Variants in TIAM1 observed in about 807,000 individuals in gnomAD.
TIAM1 encodes the protein rho guanine nucleotide exchange factor TIAM1.
Under a neutral mutation model 163.5 loss-of-function variants are expected in TIAM1, and 65 were observed. The observed-to-expected ratio is 0.40, with a 90% confidence interval of 0.33 to 0.49. The LOEUF is 0.49. TIAM1 is among the 20% of genes least tolerant of loss of function. The probability of loss-of-function intolerance (pLI) is 0.77; values close to 1 mark genes in which losing one functional copy is unlikely to be tolerated. For missense variants in TIAM1, 1,789 were observed against 2,044.7 expected (o/e 0.87, Z 2.41); for synonymous variants, 833 against 810.1 (o/e 1.03, Z -0.48).
chr21:31,498,459 C>T (rs187742975), intron 1 of TIAM1, among the ~76,000 whole-genome samples: 5 of 152,348 alleles, frequency 3.3e-5, no homozygotes, highest in Non-Finnish European at 5.9e-5. Context: ...CCCACTCTCC[C>T]TTAAGGAAAC....
chr21:31,166,578 T>C (rs906189742), intron 15 of TIAM1, among the ~76,000 whole-genome samples: 1 of 152,226 alleles, frequency 6.6e-6, no homozygotes, highest in African/African-American at 2.4e-5. Context: ...CCTGAATGGC[T>C]TAGAGGTTTC....
At chr21:31,302,334 TTGAA>T (rs1486051603) in intron 2 of TIAM1, among the ~76,000 whole-genome samples, 1 of 152,246 alleles carries the variant, frequency 6.6e-6, no homozygotes, top group African/African-American at 2.4e-5. Context: ...CATTTCAACC[TTGAA>T]TGTTTTCACA....
At chr21:31,415,529 A>C (rs16988248) in intron 2 of TIAM1, among the ~76,000 whole-genome samples, 7,282 of 152,216 alleles carry the variant, frequency 0.048, 207 homozygotes, top group East Asian at 0.099. Context: ...TACTGATGCT[A>C]GGACCCAATG....
At chr21:31,311,251 C>G (rs1292798161) in intron 2 of TIAM1, among the ~76,000 whole-genome samples, 1 of 151,862 alleles carries the variant, frequency 6.6e-6, no homozygotes, top group Non-Finnish European at 1.5e-5. Context: ...CAAAGGGGAG[C>G]AGGAGGGCCT....
intron 15 of TIAM1, 48 bp from the exon 16 acceptor site, chr21:31,165,113 T>A: frequency 6.3e-7 from 1 of 1,575,826 alleles, no homozygotes; most frequent in Non-Finnish European, 8.7e-7. Flanking sequence ...GGACAGTAAT[T>A]GCTAAAAGCC....
intron 1 of TIAM1, among the ~76,000 whole-genome samples, chr21:31,480,592 C>G (rs955639424): frequency 2.0e-5 from 3 of 152,152 alleles, no homozygotes; most frequent in African/African-American, 7.2e-5. Flanking sequence ...GGCAGGGACA[C>G]CAGCCAGCCC....
intron 1 of TIAM1, among the ~76,000 whole-genome samples, chr21:31,504,137 G>A (rs2046953186): frequency 6.6e-6 from 1 of 152,190 alleles, no homozygotes; most frequent in Non-Finnish European, 1.5e-5. Context: ...GCGTGCAAAG[G>A]GCTGGCATGC....
rs2082842418 is a variant in TIAM1 at position 31,141,484 on chromosome 21, T to C, written c.3496A>G (p.Lys1166Glu). The change falls in exon 21 of 28, where the codon AAG (lysine) becomes GAG (glutamate). Residue 1166 changes from lysine (K) to glutamate (E), a missense_variant. Lys to Glu is a moderately conservative substitution (Grantham distance 56). Around this residue, in one of 5 missense-constraint regions of TIAM1, gnomAD observed 60 missense variants for 132.6 expected, o/e 0.45. Transcript: ENST00000541036. This position sits in a 1 kb window ranked among gnomAD's most constrained non-coding sequence, Gnocchi z 4.7. Reference sequence around the variant, plus strand: ...GGGTTCTGGGCATCCAAGAATGCCTTGAAAGCCGTGTCTGTCTTGGCTGGC... The same window carrying C: ...GGGTTCTGGGCATCCAAGAATGCCTCGAAAGCCGTGTCTGTCTTGGCTGGC... ...LVKAKTDTAFKAFLDAQNPKQ... is the reference protein window; with the variant it reads ...LVKAKTDTAFEAFLDAQNPKQ... The C allele has an allele frequency of 6.2e-7, 1 of 1,613,972 alleles. No individual in the cohort carries two copies. The highest frequency in any genetic ancestry group is 8.5e-7 in the Non-Finnish European group (1 of 1,180,012).
At chr21:31,354,606 T>C (rs1009143753) in intron 2 of TIAM1, among the ~76,000 whole-genome samples, 1 of 152,106 alleles carries the variant, frequency 6.6e-6, no homozygotes, top group African/African-American at 2.4e-5. Context: ...AAATACATAC[T>C]GAACAGAATC....
At chr21:31,535,377 T>C (rs1228297801) in intron 1 of TIAM1, among the ~76,000 whole-genome samples, 1 of 49,190 alleles carries the variant, frequency 2.0e-5, no homozygotes, top group Non-Finnish European at 3.2e-5. Flanking sequence ...GAAGGCTCCA[T>C]CTCAAAAAAA....
chr21:31,461,809 G>T (rs1281653001), intron 2 of TIAM1, among the ~76,000 whole-genome samples: 1 of 152,086 alleles, frequency 6.6e-6, no homozygotes, highest in Non-Finnish European at 1.5e-5. Flanking sequence ...GGGACCACAG[G>T]CATGCGCTAC....
intron 2 of TIAM1, among the ~76,000 whole-genome samples, chr21:31,457,776 G>A (rs1166885589): frequency 6.6e-6 from 1 of 152,188 alleles, no homozygotes; most frequent in African/African-American, 2.4e-5. Flanking sequence ...ATCTCAACCA[G>A]GGTAATCTTG....
chr21:31,266,531 T>C lies in TIAM1; in HGVS notation c.442A>G (p.Arg148Gly). Residue 148 changes from arginine to glycine, a missense_variant, in exon 4 of 28, where the codon AGG becomes GGG. Arg to Gly is a moderately radical substitution (Grantham distance 125). Transcript: ENST00000541036. ...DATYLAEGGR[R>G]QHSYTSNGPT... ...CCATTGGATGTATAGGAATGCTGCCTCCTGCCTCCCTCAGCCAAATATGTA... is the reference window on the plus strand; with the variant it reads ...CCATTGGATGTATAGGAATGCTGCCCCCTGCCTCCCTCAGCCAAATATGTA... 6.2e-7 allele frequency: 1 copy of C among 1,614,202 alleles called. No individual in the cohort carries two copies. The highest frequency in any genetic ancestry group is 8.5e-7 in the Non-Finnish European group (1 of 1,180,052).
chr21:31,451,724 T>TAC, intron 2 of TIAM1, among the ~76,000 whole-genome samples: 1 of 128,118 alleles, frequency 7.8e-6, no homozygotes, highest in East Asian at 2.1e-4. Flanking sequence ...TGTGCGTGTG[T>TAC]GTGTGTGTGT....
At chr21:31,306,790 G>A (rs1341047016) in intron 2 of TIAM1, among the ~76,000 whole-genome samples, 2 of 152,142 alleles carry the variant, frequency 1.3e-5, no homozygotes, top group Non-Finnish European at 2.9e-5. Context: ...CTAAAGACAC[G>A]AGACAATCAC....
intron 8 of TIAM1, among the ~76,000 whole-genome samples, chr21:31,222,499 A>G (rs1225116172): frequency 1.3e-5 from 2 of 151,798 alleles, no homozygotes; most frequent in African/African-American, 2.4e-5. Context: ...AGCAATGCAT[A>G]TATGTTCAGC....
chr21:31,422,135 A>G (rs941873963), intron 2 of TIAM1, among the ~76,000 whole-genome samples: 5 of 152,202 alleles, frequency 3.3e-5, no homozygotes, highest in African/African-American at 9.7e-5. Flanking sequence ...CTGTTTTCGT[A>G]AGCCACCAAG....
At chr21:31,153,010 C>G in intron 18 of TIAM1, 56 bp downstream of exon 18, 1 of 1,534,076 alleles carries the variant, frequency 6.5e-7, no homozygotes, top group Non-Finnish European at 8.9e-7. Context: ...TTCCTCTTTA[C>G]CAACAAGTCA....
At chr21:31,231,699 C>T (rs553313935) in intron 6 of TIAM1, among the ~76,000 whole-genome samples, 7 of 152,068 alleles carry the variant, frequency 4.6e-5, no homozygotes, top group African/African-American at 1.7e-4. Context: ...TAATGGGGAC[C>T]GCATTTAAGC....
Sources: allele counts gnomAD v4.1 joint callset (sites outside exome capture counted in the v4.1 genomes callset), GRCh38; gene constraint gnomAD v4.1.1; regional missense constraint gnomAD v4.1.1; non-coding constraint Gnocchi (gnomAD v3.1); transcripts MANE v1.5; gene names NCBI Gene and HGNC (gene_info 2026-07-23, HGNC 2026-07-21).